Variants in KIRREL3 observed in about 807,000 individuals in gnomAD.
KIRREL3 encodes the protein kirre like nephrin family adhesion molecule 3, also known as kin of IRRE-like protein 3.
Under a neutral mutation model 89.7 loss-of-function variants are expected in KIRREL3, and 36 were observed. That is an observed-to-expected ratio of 0.40 (90% confidence interval 0.31 to 0.53). The LOEUF is 0.53. Among genes scored for constraint, KIRREL3 ranks in the 20% least tolerant of loss-of-function variants. The pLI, the probability that KIRREL3 is intolerant of heterozygous loss-of-function variation, is 0.49. For missense variants in KIRREL3, 864 were observed against 1,056.6 expected, an observed-to-expected ratio of 0.82 and a Z score of 2.53; for synonymous variants, 445 against 441.4, an observed-to-expected ratio of 1.01 and a Z score of -0.10.
rs1033067392 is a variant in KIRREL3 at position 126,492,580 on chromosome 11, C to T, written c.434-19114G>A. 3.3e-5 allele frequency among the ~76,000 whole-genome samples: 5 copies of T among 152,146 alleles called. No homozygotes were observed. The highest frequency in any genetic ancestry group is 7.2e-5 in the African/African-American group (3 of 41,428). ...GAGGGATGAGGCTGCCAATTGCCAC[C>T]GCCACACAGCAAGCGTCACCTCAGC... On this transcript the variant is annotated intron_variant, in intron 4 of 16. Coordinates refer to ENST00000525144, the MANE Select transcript of KIRREL3 (RefSeq NM_032531.4). The surrounding 1 kb of genome is among the most constrained non-coding windows in gnomAD (Gnocchi z 4.8).
chr11:126,909,658 C>T lies in KIRREL3; in HGVS notation c.55+90797G>A, dbSNP rs898172981. Among the ~76,000 whole-genome samples, 1 of 152,096 alleles carries T rather than the reference C, an allele frequency of 6.6e-6. No individual in the cohort carries two copies. The highest frequency in any genetic ancestry group is 1.5e-5 in the Non-Finnish European group (1 of 68,018). On this transcript the variant is annotated intron_variant, in intron 1 of 16. Transcript: ENST00000525144. The surrounding 1 kb of genome is among the most constrained non-coding windows in gnomAD (Gnocchi z 4.5). ...GGCCAGGAGTCTCTTGGGAAGCCTA[C>T]CAAAGAAGGGAGAAATGTCCTTTGC...
intron 1 of KIRREL3, among the ~76,000 whole-genome samples, chr11:126,759,220 C>T (rs1949597298): frequency 2.0e-5 from 3 of 152,178 alleles, no homozygotes; most frequent in South Asian, 2.1e-4. Context: ...ACCTCCACCT[C>T]CTAGGTTCAA....
At chr11:126,529,186 C>T (rs1200178259) in intron 2 of KIRREL3, among the ~76,000 whole-genome samples, 2 of 152,002 alleles carry the variant, frequency 1.3e-5, no homozygotes, top group South Asian at 2.1e-4. Flanking sequence ...GGTGAGGGCC[C>T]CCGGGGAAGT....
chr11:126,743,479 T>A (rs1007443750), intron 1 of KIRREL3, among the ~76,000 whole-genome samples: 2 of 152,226 alleles, frequency 1.3e-5, no homozygotes, highest in Admixed American at 1.3e-4. Context: ...TGTTCTGGGC[T>A]CTGTGTTAGG....
In KIRREL3 at chr11:126,491,131, C is replaced by T. The variant is rs181173605; in HGVS notation, c.434-17665G>A. On this transcript the variant is annotated intron_variant, in intron 4 of 16. Coordinates refer to ENST00000525144, the MANE Select transcript of KIRREL3 (RefSeq NM_032531.4). The surrounding 1 kb of genome is among the most constrained non-coding windows in gnomAD (Gnocchi z 5.5). The stretch of plus-strand genomic sequence containing the variant: ...ATCCCAAAGACAAGCCCTGAGTCTC[C>T]AGGCCACCACTTTCTACCTGCGTGG... Among the ~76,000 whole-genome samples, 168 of 152,308 alleles carry T rather than the reference C, an allele frequency of 1.1e-3. 1 individual carries two copies. The highest frequency in any genetic ancestry group is 3.8e-3 in the African/African-American group (158 of 41,560).
At chr11:127,002,109 G>T (rs770309097), upstream of KIRREL3, among the ~76,000 whole-genome samples, 2 of 152,094 alleles carry the variant, frequency 1.3e-5, no homozygotes, top group East Asian at 1.9e-4. Context: ...GTTTCCATGC[G>T]GATGTTAACT....
rs539984792 is a variant in KIRREL3, at chr11:126,579,123, G to A, written c.56-16211C>T. The stretch of plus-strand genomic sequence containing the variant: ...TTGCACCAGAGCTCACCAATGTCTC[G>A]GAGAGGTCCTCCCTTCCTGCCAGCC... On this transcript the variant is annotated intron_variant, in intron 1 of 16. Coordinates refer to ENST00000525144, the MANE Select transcript of KIRREL3 (RefSeq NM_032531.4). The surrounding 1 kb of genome is among the most constrained non-coding windows in gnomAD (Gnocchi z 5.3). 8.5e-5 allele frequency among the ~76,000 whole-genome samples: 13 copies of A among 152,114 alleles called. No individual in the cohort carries two copies. Among genetic ancestry groups the A allele is most frequent in the South Asian group, 2.1e-4 (1 of 4,792 alleles).
At chr11:126,799,402 C>G (rs111416327) in intron 1 of KIRREL3, among the ~76,000 whole-genome samples, 151 of 2,022 alleles carry the variant, frequency 0.075, 6 homozygotes, top group South Asian at 0.11. Flanking sequence ...GTGTGTGCAT[C>G]TATCTGTGTG....
chr11:126,826,702 G>T (rs1943427907), intron 1 of KIRREL3, among the ~76,000 whole-genome samples: 1 of 152,142 alleles, frequency 6.6e-6, no homozygotes, highest in African/African-American at 2.4e-5. Context: ...CTGGTCTGCA[G>T]CAAGGTAGAA....
chr11:126,839,183 G>C (rs1280449224), intron 1 of KIRREL3, among the ~76,000 whole-genome samples: 1 of 152,182 alleles, frequency 6.6e-6, no homozygotes, highest in African/African-American at 2.4e-5. Flanking sequence ...GAAAAACAAT[G>C]ATCAAGATCA....
rs1474838792 is a variant in KIRREL3 at position 126,936,162 on chromosome 11, T to G, written c.55+64293A>C. 2.0e-5 allele frequency: 3 copies of G among 152,294 alleles called. No individual in the cohort carries two copies. The East Asian group carries it at 5.8e-4, about 29-fold the overall frequency. The allele number at this position is 152,294 out of a possible 1,614,324, so 9.4% of individuals were successfully genotyped here. A position where few individuals can be genotyped will look rare whatever the true frequency, so the allele number is the denominator to read the frequency against. ...AAAACTGCTTAACATCATTAATCAC[T>G]GGGGAAATACAAATTAAAACCACAA... On this transcript the variant is annotated intron_variant, in intron 1 of 16. Transcript: ENST00000525144.
Position 126,515,534 on chromosome 11 carries a change from G to A in KIRREL3, c.433+5781C>T, listed in dbSNP as rs978623593. The stretch of plus-strand genomic sequence containing the variant: ...CTCCAGAGAAGGCTTCCTGGAGGAG[G>A]AGTTGTCTGAGGTGAATCTTGACAG... On this transcript the variant is annotated intron_variant, in intron 4 of 16. Transcript: ENST00000525144. The surrounding 1 kb of genome is among the most constrained non-coding windows in gnomAD (Gnocchi z 4.2). Among the ~76,000 whole-genome samples, 1 of 152,198 alleles carries A rather than the reference G, an allele frequency of 6.6e-6. No homozygotes were observed. Among genetic ancestry groups the A allele is most frequent in the Non-Finnish European group, 1.5e-5 (1 of 68,038 alleles).
chr11:126,896,443 C>A lies in KIRREL3; in HGVS notation c.55+104012G>T, dbSNP rs572822143. Among the ~76,000 whole-genome samples, 114 of 152,302 alleles carry A rather than the reference C, an allele frequency of 7.5e-4. No individual in the cohort carries two copies. In the South Asian group the frequency reaches 0.02, roughly 27 times the overall value. On this transcript the variant is annotated intron_variant, in intron 1 of 16. Coordinates refer to ENST00000525144, the MANE Select transcript of KIRREL3 (RefSeq NM_032531.4). This position sits in a 1 kb window ranked among gnomAD's most constrained non-coding sequence, Gnocchi z 4.1. ...CTGTATGCCTGTTGAGATGCCCATG[C>A]CCTTTCCAGAGCTACAGACAGGCAT...
Position 126,520,354 on chromosome 11 carries a change from G to A in KIRREL3, c.433+961C>T, listed in dbSNP as rs534893376. 6.6e-6 allele frequency among the ~76,000 whole-genome samples: 1 copy of A among 152,284 alleles called. No individual in the cohort carries two copies. The highest frequency in any genetic ancestry group is 1.9e-4 in the East Asian group (1 of 5,172). ...GTAAGGGGGCAGCGAGGTGGGGCAGGTAGCCCTGGAGCCCTGGCCAGGAGC... is the reference window on the plus strand; with the variant it reads ...GTAAGGGGGCAGCGAGGTGGGGCAGATAGCCCTGGAGCCCTGGCCAGGAGC... On this transcript the variant is annotated intron_variant, in intron 4 of 16. Transcript: ENST00000525144. This position sits in a 1 kb window ranked among gnomAD's most constrained non-coding sequence, Gnocchi z 4.9.
intron 4 of KIRREL3, among the ~76,000 whole-genome samples, chr11:126,511,761 A>T (rs1293319773): frequency 6.6e-6 from 1 of 152,218 alleles, no homozygotes; most frequent in African/African-American, 2.4e-5. Context: ...GAAGGCTTCC[A>T]TTTAGTGGCA....
At chr11:126,716,745 TG>T in intron 1 of KIRREL3, among the ~76,000 whole-genome samples, 2 of 11,386 alleles carry the variant, frequency 1.8e-4, no homozygotes, top group African/African-American at 6.7e-4. Flanking sequence ...AGTGTGTGTG[TG>T]TTGGGGGGGG....
At position 126,668,713 on chromosome 11, in the gene KIRREL3, C is replaced by G. The variant is rs77885594; in HGVS notation, c.56-105801G>C. 1.1e-5 allele frequency among the ~76,000 whole-genome samples: 1 copy of G among 92,318 alleles called. No homozygotes were observed. The highest frequency in any genetic ancestry group is 2.5e-5 in the Non-Finnish European group (1 of 40,126). 60.6% of individuals were successfully genotyped at this position (92,318 alleles called of 152,430 possible). On this transcript the variant is annotated intron_variant, in intron 1 of 16. Coordinates refer to ENST00000525144, the MANE Select transcript of KIRREL3 (RefSeq NM_032531.4). The surrounding 1 kb of genome is among the most constrained non-coding windows in gnomAD (Gnocchi z 4.4). ...TCTGTTTTTCTTTCTTTCTTTCTTTCTTTCTTTCTTTCTTTCTTTCTTTCT... is the reference window on the plus strand; with the variant it reads ...TCTGTTTTTCTTTCTTTCTTTCTTTGTTTCTTTCTTTCTTTCTTTCTTTCT...
At chr11:126,864,268 C>T (rs1330851615) in intron 1 of KIRREL3, among the ~76,000 whole-genome samples, 1 of 152,208 alleles carries the variant, frequency 6.6e-6, no homozygotes. Flanking sequence ...CAGTACCTCA[C>T]TCCATCCCAG....
intron 7 of KIRREL3, among the ~76,000 whole-genome samples, chr11:126,451,416 G>GA (rs1565464682): frequency 1.8e-4 from 27 of 150,386 alleles, no homozygotes; most frequent in African/African-American, 5.9e-4. Flanking sequence ...GCATGTGTGT[G>GA]CATGTGTGAG....
Sources: allele counts gnomAD v4.1 joint callset (sites outside exome capture counted in the v4.1 genomes callset), GRCh38; gene constraint gnomAD v4.1.1; non-coding constraint Gnocchi (gnomAD v3.1); transcripts MANE v1.5; gene names NCBI Gene and HGNC (gene_info 2026-07-23, HGNC 2026-07-21).